Variants in FRY observed in about 807,000 individuals in gnomAD.
FRY encodes the protein protein furry homolog.
A neutral mutation model predicts 348.4 loss-of-function variants in FRY; 128 were observed. The ratio of observed to expected loss-of-function variants is 0.37; its 90% CI spans 0.32 to 0.43. The LOEUF is 0.43. Ranked by LOEUF, FRY falls within the 20% of genes least tolerant of loss-of-function variation. The pLI, the probability that FRY is intolerant of heterozygous loss-of-function variation, is 1.00. For missense variants in FRY, 2,736 were observed against 3,695.2 expected (o/e 0.74, Z 6.73); for synonymous variants, 1,370 against 1,374.7 (o/e 1.00, Z 0.08).
chr13:32,275,240 T>C (rs1444133225), intron 56 of FRY: 6 of 312,178 alleles, frequency 1.9e-5, no homozygotes, highest in Non-Finnish European at 3.8e-5. Context: ...AAAAAAAAAT[T>C]AGCCGGGTGT....
At chr13:32,245,905 T>C (rs1243019327) in intron 47 of FRY, among the ~76,000 whole-genome samples, 1 of 152,272 alleles carries the variant, frequency 6.6e-6, no homozygotes, top group Admixed American at 6.5e-5. Context: ...ATATACCGTA[T>C]AAATTTTAGA....
chr13:32,282,966 T>C (rs1213597580), intron 58 of FRY, among the ~76,000 whole-genome samples: 1 of 151,654 alleles, frequency 6.6e-6, no homozygotes, highest in Non-Finnish European at 1.5e-5. Context: ...CATGGTGAAA[T>C]ACCATCTCTA....
chr13:32,182,998 T>C lies in FRY; in HGVS notation c.3018T>C (p.His1006=). 1 of 1,605,774 alleles carries C rather than the reference T, an allele frequency of 6.2e-7. No individual in the cohort carries two copies. The highest frequency in any genetic ancestry group is 8.5e-7 in the Non-Finnish European group (1 of 1,173,028). The change falls in exon 24 of 61, where the codon CAT becomes CAC. Residue 1006 remains histidine (H), a synonymous_variant. Transcript: ENST00000542859. ...ACAGAGAATTGGTAGAAGAACTTCA[T>C]CCATTAATGAAAGAAGCTCTGGAAA... ...LVFRELVEEL[H]PLMKEALERR... is the part of the protein sequence containing the mutation.
At chr13:32,240,426 A>G (rs9567469) in intron 46 of FRY, among the ~76,000 whole-genome samples, 21,875 of 152,182 alleles carry the variant, frequency 0.14, 2,423 homozygotes, top group African/African-American at 0.29. Context: ...GATATGTTTA[A>G]TGGTTGTTTG....
intron 14 of FRY, among the ~76,000 whole-genome samples, chr13:32,150,962 G>A (rs969846577): frequency 6.6e-6 from 1 of 152,358 alleles, no homozygotes; most frequent in South Asian, 2.1e-4. Context: ...CTTCTGGAAT[G>A]GCTGCAGCCA....
At chr13:32,278,718 G>A in intron 58 of FRY, 170 bp downstream of exon 58, 1 of 728,070 alleles carries the variant, frequency 1.4e-6, no homozygotes, top group Non-Finnish European at 2.6e-6. Flanking sequence ...ATGACTGTGT[G>A]TTGATGGGAT....
Position 32,241,532 on chromosome 13 carries a change from C to T in FRY, c.6687+1651C>T, listed in dbSNP as rs954067899. The stretch of plus-strand genomic sequence containing the variant: ...GTGGAGAATTATTATTTTGTGGGTA[C>T]AGAATTTCAGTTTGGGATGATGAAC... On this transcript the variant is annotated intron_variant, in intron 46 of 60. Coordinates refer to ENST00000542859, the MANE Select transcript of FRY (RefSeq NM_023037.3). 4.6e-5 allele frequency among the ~76,000 whole-genome samples: 7 copies of T among 152,118 alleles called. No homozygotes were observed. The East Asian group carries it at 1.2e-3, about 25-fold the overall frequency.
chr13:32,295,055 C>A, intron 60 of FRY, 147 bp from the exon 61 acceptor site: 1 of 743,684 alleles, frequency 1.3e-6, no homozygotes, highest in Non-Finnish European at 2.4e-6. Context: ...GAATTGTTTA[C>A]CTTAGATGAG....
In FRY at chr13:32,128,923, A is replaced by G. The variant is rs377288613; in HGVS notation, c.717-2749A>G. 2.6e-5 allele frequency among the ~76,000 whole-genome samples: 4 copies of G among 152,372 alleles called. No homozygotes were observed. The South Asian group carries it at 8.3e-4, about 32-fold the overall frequency. On this transcript the variant is annotated intron_variant, in intron 7 of 60. Coordinates refer to ENST00000542859, the MANE Select transcript of FRY (RefSeq NM_023037.3). ...AAGCTGCCATAACAAAGTACTGCAG[A>G]CTAATTGGTTTAAACAACAGAAATT...
intron 31 of FRY, among the ~76,000 whole-genome samples, chr13:32,203,735 C>T (rs1198759606): frequency 2.0e-5 from 3 of 147,566 alleles, no homozygotes; most frequent in Non-Finnish European, 4.5e-5. Context: ...AAAAAAAATG[C>T]ATTTGTCACC....
At chr13:32,211,421 T>A (rs964148353) in intron 34 of FRY, among the ~76,000 whole-genome samples, 10 of 152,206 alleles carry the variant, frequency 6.6e-5, no homozygotes, top group Admixed American at 5.9e-4. Flanking sequence ...ATTGCACCAC[T>A]ATACTCCAGC....
At chr13:32,228,153 A>G (rs1443721234) in intron 39 of FRY, among the ~76,000 whole-genome samples, 2 of 152,236 alleles carry the variant, frequency 1.3e-5, no homozygotes, top group African/African-American at 2.4e-5. Flanking sequence ...TGGTCCATGC[A>G]TGCATACAAA....
intron 51 of FRY, among the ~76,000 whole-genome samples, chr13:32,255,313 A>G (rs1702174414): frequency 6.6e-6 from 1 of 152,128 alleles, no homozygotes; most frequent in Admixed American, 6.6e-5. Flanking sequence ...CAAGTTTAGG[A>G]TTTCCTGCAG....
intron 31 of FRY, among the ~76,000 whole-genome samples, chr13:32,208,255 A>G (rs749491175): frequency 1.3e-5 from 2 of 152,238 alleles, no homozygotes; most frequent in Admixed American, 6.5e-5. Flanking sequence ...CCAATGTTTC[A>G]TGGAAGACAC....
intron 55 of FRY, among the ~76,000 whole-genome samples, chr13:32,269,068 G>A (rs1019536947): frequency 2.6e-5 from 4 of 152,032 alleles, no homozygotes; most frequent in Non-Finnish European, 4.4e-5. Flanking sequence ...CATGGAAGAC[G>A]GACAATAATT....
At chr13:32,265,698 A>G in intron 54 of FRY, 82 bp downstream of exon 54, 1 of 1,345,510 alleles carries the variant, frequency 7.4e-7, no homozygotes, top group South Asian at 1.2e-5. Flanking sequence ...TAAGTGTCAC[A>G]GTTGCACTGC....
At position 32,178,352 on chromosome 13, in the gene FRY, C is replaced by T; in HGVS notation, c.2597C>T (p.Pro866Leu). The T allele has an allele frequency of 6.2e-7, 1 of 1,614,170 alleles. No individual in the cohort carries two copies. Among genetic ancestry groups the T allele is most frequent in the Non-Finnish European group, 8.5e-7 (1 of 1,179,996 alleles). ...AGCTTCCTCCGGCAGGAGAACTTACCCAAGCACTGCCCCACAGCCCTCAGC... is the reference window on the plus strand; with the variant it reads ...AGCTTCCTCCGGCAGGAGAACTTACTCAAGCACTGCCCCACAGCCCTCAGC... ...LFSFLRQENL[P>L]KHCPTALSYA... The change falls in exon 21 of 61, where the codon CCC becomes CTC. Residue 866 changes from proline to leucine, a missense_variant. Coordinates refer to ENST00000542859, the MANE Select transcript of FRY (RefSeq NM_023037.3).
intron 28 of FRY, among the ~76,000 whole-genome samples, chr13:32,192,680 C>T (rs798961): frequency 0.36 from 54,816 of 150,940 alleles, 10,251 homozygotes; most frequent in Admixed American, 0.4. Flanking sequence ...TTGCCTTTTC[C>T]ACCTGGTTTC....
At chr13:32,089,678 A>G (rs1004600366) in intron 2 of FRY, among the ~76,000 whole-genome samples, 2 of 151,990 alleles carry the variant, frequency 1.3e-5, no homozygotes, top group Non-Finnish European at 2.9e-5. Context: ...AGGTGGGAGG[A>G]CCATTTGAAT....
Sources: allele counts gnomAD v4.1 joint callset (sites outside exome capture counted in the v4.1 genomes callset), GRCh38; gene constraint gnomAD v4.1.1; transcripts MANE v1.5; gene names NCBI Gene and HGNC (gene_info 2026-07-23, HGNC 2026-07-21).